Variants in AGMO observed in about 807,000 individuals in gnomAD.
The protein encoded by AGMO is glyceryl-ether monooxygenase.
AGMO carries 75 observed loss-of-function variants against 60.2 expected under a neutral mutation model. The observed-to-expected ratio is 1.25, with a 90% CI of 1.03 to 1.51. The LOEUF is 1.51. Among genes scored for constraint, AGMO ranks in the 40% most tolerant of loss-of-function variants. AGMO has a pLI of 0.00. For missense variants in AGMO, 763 were observed against 525.5 expected (o/e 1.45, Z -4.42); for synonymous variants, 261 against 177.1 (o/e 1.47, Z -3.76).
the AGMO span, among the ~76,000 whole-genome samples, chr7:15,126,398 G>A: frequency 6.6e-6 from 1 of 152,056 alleles, no homozygotes; most frequent in African/African-American, 2.4e-5. Context: ...AAACTATTAA[G>A]TTATTGTAGT....
At chr7:15,196,331 G>C (rs1002869550), downstream of AGMO, among the ~76,000 whole-genome samples, 6 of 152,070 alleles carry the variant, frequency 3.9e-5, no homozygotes, top group Non-Finnish European at 8.8e-5. Flanking sequence ...TTACAGGTGT[G>C]AGCCACCACG....
In AGMO at chr7:15,251,335, G is replaced by A. The variant is rs113975968; in HGVS notation, c.1264-49976C>T. ...TCTATAACAATCAGGTACCAACCAG[G>A]AAAGTAAAAACTGTCCTGGGAAATT... is the stretch of plus-strand genomic sequence containing the variant. On this transcript the variant is annotated intron_variant, in intron 12 of 12. Coordinates refer to ENST00000342526, the MANE Select transcript of AGMO (RefSeq NM_001004320.2). Among the ~76,000 whole-genome samples, 809 of 152,204 alleles carry A rather than the reference G, an allele frequency of 5.3e-3. 4 individuals carry two copies. The highest frequency in any genetic ancestry group is 0.016 in the African/African-American group (685 of 41,542).
chr7:15,266,494 T>A (rs995692448), intron 12 of AGMO, among the ~76,000 whole-genome samples: 2 of 152,044 alleles, frequency 1.3e-5, no homozygotes, highest in Admixed American at 1.3e-4. Flanking sequence ...AATGAAAGTG[T>A]TTCCCCCTGG....
At chr7:15,214,878 A>G (rs954255733) in intron 12 of AGMO, among the ~76,000 whole-genome samples, 1 of 152,048 alleles carries the variant, frequency 6.6e-6, no homozygotes, top group Non-Finnish European at 1.5e-5. Flanking sequence ...GCCTTCTCGG[A>G]CATAAAAAGC....
chr7:15,465,501 C>A (rs1782259288), intron 3 of AGMO, among the ~76,000 whole-genome samples: 1 of 150,964 alleles, frequency 6.6e-6, no homozygotes, highest in African/African-American at 2.4e-5. Context: ...TGGCTCACTG[C>A]AGACTTGACA....
At chr7:15,190,627 G>A in the AGMO span, among the ~76,000 whole-genome samples, 8 of 152,166 alleles carry the variant, frequency 5.3e-5, no homozygotes, top group Non-Finnish European at 1.0e-4. Flanking sequence ...TCCCTTCTAA[G>A]GTTGTCCCCA....
At chr7:15,145,401 C>G in the AGMO span, among the ~76,000 whole-genome samples, 1 of 151,646 alleles carries the variant, frequency 6.6e-6, no homozygotes, top group Non-Finnish European at 1.5e-5. Flanking sequence ...TACAATAAAA[C>G]TAAATGAAAA....
At chr7:15,191,373 G>T in the AGMO span, among the ~76,000 whole-genome samples, 1 of 152,054 alleles carries the variant, frequency 6.6e-6, no homozygotes, top group Non-Finnish European at 1.5e-5. Context: ...TAGGAACCCA[G>T]GTACTTGTGT....
intron 5 of AGMO, among the ~76,000 whole-genome samples, chr7:15,414,825 T>A (rs1248614832): frequency 6.6e-6 from 1 of 151,996 alleles, no homozygotes; most frequent in African/African-American, 2.4e-5. Flanking sequence ...TGAGTATGAG[T>A]CTAAAAATAA....
At chr7:15,373,652 A>T (rs1236164482) in intron 10 of AGMO, among the ~76,000 whole-genome samples, 1 of 152,186 alleles carries the variant, frequency 6.6e-6, no homozygotes, top group Non-Finnish European at 1.5e-5. Context: ...AGGAGGTATC[A>T]AACTCAGTCA....
chr7:15,471,166 T>G (rs1022847571), intron 3 of AGMO, among the ~76,000 whole-genome samples: 1 of 151,974 alleles, frequency 6.6e-6, no homozygotes, highest in African/African-American at 2.4e-5. Context: ...ATTTTTCCAT[T>G]TCCTCTATCA....
Position 15,228,147 on chromosome 7 carries a change from T to C in AGMO, c.1264-26788A>G, listed in dbSNP as rs1364862548. ...GGAATAAAACTCCATTTTCTTTCCATAGTATTTCTCTCCACAGGAAATTAA... is the reference window on the plus strand; with the variant it reads ...GGAATAAAACTCCATTTTCTTTCCACAGTATTTCTCTCCACAGGAAATTAA... On this transcript the variant is annotated intron_variant, in intron 12 of 12. Coordinates refer to ENST00000342526, the MANE Select transcript of AGMO (RefSeq NM_001004320.2). Among the ~76,000 whole-genome samples the C allele has an allele frequency of 1.1e-4, 17 of 152,128 alleles. 1 individual carries two copies. Among genetic ancestry groups the C allele is most frequent in the African/African-American group, 4.8e-5 (2 of 41,428 alleles).
At chr7:15,261,116 C>T (rs533561111) in intron 12 of AGMO, among the ~76,000 whole-genome samples, 8 of 151,778 alleles carry the variant, frequency 5.3e-5, no homozygotes, top group African/African-American at 1.2e-4. Context: ...ACGGGAGTAA[C>T]GAGAACTATC....
chr7:15,242,836 T>C (rs928140625), intron 12 of AGMO, among the ~76,000 whole-genome samples: 2 of 152,032 alleles, frequency 1.3e-5, no homozygotes, highest in African/African-American at 2.4e-5. Flanking sequence ...TTTAAAACAA[T>C]AAAATGATTT....
the AGMO span, among the ~76,000 whole-genome samples, chr7:15,186,841 T>C: frequency 6.6e-6 from 1 of 152,152 alleles, no homozygotes; most frequent in East Asian, 1.9e-4. Context: ...ACTTTGCAGA[T>C]GTTTCTCCCA....
chr7:15,254,063 CTG>C (rs1783023920), intron 12 of AGMO, among the ~76,000 whole-genome samples: 1 of 151,922 alleles, frequency 6.6e-6, no homozygotes, highest in African/African-American at 2.4e-5. Context: ...ATTTTTATAA[CTG>C]TATAGTATTC....
At chr7:15,163,903 C>A in the AGMO span, among the ~76,000 whole-genome samples, 1 of 151,844 alleles carries the variant, frequency 6.6e-6, no homozygotes, top group Non-Finnish European at 1.5e-5. Context: ...AGATTGGTGC[C>A]AGCTCTTTTT....
chr7:15,519,890 G>T (rs1215291292), intron 3 of AGMO, among the ~76,000 whole-genome samples: 2 of 151,412 alleles, frequency 1.3e-5, no homozygotes, highest in Non-Finnish European at 2.9e-5. Flanking sequence ...AGGCCCATTG[G>T]TGTGCTGTAT....
At chr7:15,549,744 A>T (rs1197997093) in intron 2 of AGMO, among the ~76,000 whole-genome samples, 1 of 151,482 alleles carries the variant, frequency 6.6e-6, no homozygotes, top group East Asian at 1.9e-4. Context: ...CACTGTCAAC[A>T]TTAGACAGAT....
Sources: allele counts gnomAD v4.1 joint callset (sites outside exome capture counted in the v4.1 genomes callset), GRCh38; gene constraint gnomAD v4.1.1; transcripts MANE v1.5; gene names NCBI Gene and HGNC (gene_info 2026-07-23, HGNC 2026-07-21).